Variants in NCKAP5 observed in about 807,000 individuals in gnomAD.
NCKAP5 encodes NCK associated protein 5, also known as nck-associated protein 5.
Under a neutral mutation model 167.0 loss-of-function variants are expected in NCKAP5, and 92 were observed. That is an observed-to-expected ratio of 0.55 (90% CI 0.47 to 0.66). The LOEUF (loss-of-function observed/expected upper bound fraction) is 0.66, where lower values mean the gene tolerates loss of function less well. Ranked by LOEUF, NCKAP5 falls within the 30% of genes least tolerant of loss-of-function variation. The probability of loss-of-function intolerance (pLI) is 0.00; values close to 1 mark genes in which losing one functional copy is unlikely to be tolerated. For missense variants in NCKAP5, 2,378 were observed against 2,315.0 expected (o/e 1.03, Z -0.56); for synonymous variants, 891 against 877.4 (o/e 1.02, Z -0.27).
intron 1 of NCKAP5, among the ~76,000 whole-genome samples, chr2:133,563,770 G>A (rs555833669): frequency 5.3e-5 from 8 of 152,218 alleles, no homozygotes; most frequent in South Asian, 4.2e-4. Flanking sequence ...TGACCAAAAC[G>A]TCATTGTGGG....
intron 4 of NCKAP5, among the ~76,000 whole-genome samples, chr2:133,260,988 C>T (rs1245293243): frequency 6.6e-6 from 1 of 151,990 alleles, no homozygotes; most frequent in East Asian, 1.9e-4. Flanking sequence ...AAAAAATAAA[C>T]CAGAAAAATT....
chr2:133,242,014 A>C (rs906671949), intron 4 of NCKAP5, among the ~76,000 whole-genome samples: 1 of 150,644 alleles, frequency 6.6e-6, no homozygotes, highest in African/African-American at 2.4e-5. Context: ...GCTACTCAGA[A>C]GGCTGAGGCA....
Position 132,784,767 on chromosome 2 carries a change from T to C in NCKAP5, c.2044A>G (p.Ser682Gly). The C allele has an allele frequency of 6.2e-7, 1 of 1,611,554 alleles. No individual in the cohort carries two copies. The highest frequency in any genetic ancestry group is 1.1e-5 in the South Asian group (1 of 90,690). Residue 682 changes from serine (S) to glycine (G), a missense_variant, in exon 14 of 20, where the codon AGC (serine) becomes GGC (glycine). Coordinates refer to ENST00000409261, the MANE Select transcript of NCKAP5 (RefSeq NM_207363.3). ...GTGACAACCCCAGTCTGGTGAGAGCTGAATTCAATGGGCTCACCGTCTTCC... is the reference window on the plus strand; with the variant it reads ...GTGACAACCCCAGTCTGGTGAGAGCCGAATTCAATGGGCTCACCGTCTTCC... ...DAEDGEPIEF[S>G]SHQTGVVTVT... is the part of the protein sequence containing the mutation.
At chr2:133,054,220 A>G (rs2079710260) in intron 6 of NCKAP5, among the ~76,000 whole-genome samples, 1 of 152,190 alleles carries the variant, frequency 6.6e-6, no homozygotes, top group Admixed American at 6.5e-5. Flanking sequence ...CCTTCCACAA[A>G]CATTGATGGA....
At chr2:133,639,323 C>T in the NCKAP5 span, among the ~76,000 whole-genome samples, 1 of 152,004 alleles carries the variant, frequency 6.6e-6, no homozygotes, top group Non-Finnish European at 1.5e-5. Flanking sequence ...AGGTATAGGC[C>T]CTTAAAAACT....
At chr2:133,537,374 G>A (rs1233453965) in intron 2 of NCKAP5, among the ~76,000 whole-genome samples, 1 of 152,078 alleles carries the variant, frequency 6.6e-6, no homozygotes, top group Non-Finnish European at 1.5e-5. Context: ...CATTGAGTTT[G>A]TAGATCAATC....
chr2:133,597,289 C>G, the NCKAP5 span, among the ~76,000 whole-genome samples: 3 of 152,190 alleles, frequency 2.0e-5, no homozygotes, highest in African/African-American at 7.2e-5. Context: ...ATCAGAGACT[C>G]TGGGGATGGA....
chr2:133,277,242 G>A (rs1050133504), intron 4 of NCKAP5, among the ~76,000 whole-genome samples: 3 of 152,050 alleles, frequency 2.0e-5, no homozygotes, highest in African/African-American at 7.2e-5. Flanking sequence ...AGTAAAAACT[G>A]TATTTGTAGA....
intron 1 of NCKAP5, among the ~76,000 whole-genome samples, chr2:133,564,603 G>C (rs554512117): frequency 6.6e-6 from 1 of 152,186 alleles, no homozygotes; most frequent in African/African-American, 2.4e-5. Flanking sequence ...ATACCATGGG[G>C]TGTGACTGTT....
intron 6 of NCKAP5, among the ~76,000 whole-genome samples, chr2:133,102,450 CT>C (rs1198382014): frequency 6.6e-6 from 1 of 152,096 alleles, no homozygotes; most frequent in Non-Finnish European, 1.5e-5. Flanking sequence ...CCTGGCCTTT[CT>C]TTCTTTCAAT....
At chr2:132,881,642 C>T (rs1691767119) in intron 8 of NCKAP5, among the ~76,000 whole-genome samples, 1 of 143,168 alleles carries the variant, frequency 7.0e-6, no homozygotes, top group South Asian at 2.2e-4. Flanking sequence ...CTCCCTCATA[C>T]ATATTTGGTG....
At chr2:133,308,207 G>A (rs1419948359) in intron 3 of NCKAP5, among the ~76,000 whole-genome samples, 3 of 147,408 alleles carry the variant, frequency 2.0e-5, no homozygotes, top group Admixed American at 1.4e-4. Context: ...TCCCACCTCA[G>A]CCTCCCGAGT....
intron 15 of NCKAP5, among the ~76,000 whole-genome samples, chr2:132,776,816 T>G (rs1682593465): frequency 6.6e-6 from 1 of 152,150 alleles, no homozygotes; most frequent in Non-Finnish European, 1.5e-5. Context: ...CTTGATCCCA[T>G]AGGAGCTGGA....
intron 19 of NCKAP5, among the ~76,000 whole-genome samples, chr2:132,722,838 C>T (rs75335338): frequency 0.1 from 15,527 of 151,940 alleles, 960 homozygotes; most frequent in East Asian, 0.14. Flanking sequence ...TGTTTTGAGA[C>T]GGCGTCTTGC....
chr2:132,713,504 A>T (rs948198735), intron 19 of NCKAP5, among the ~76,000 whole-genome samples: 2 of 152,172 alleles, frequency 1.3e-5, no homozygotes, highest in Non-Finnish European at 2.9e-5. Flanking sequence ...CCTTCCACAC[A>T]TCTCAAAGAT....
chr2:133,215,046 TAGA>T (rs980963198), intron 4 of NCKAP5, among the ~76,000 whole-genome samples: 8 of 152,154 alleles, frequency 5.3e-5, no homozygotes, highest in Non-Finnish European at 1.0e-4. Context: ...AGGCACAGAC[TAGA>T]AGAAGGGAGA....
chr2:133,490,085 G>A (rs562304309), intron 3 of NCKAP5, among the ~76,000 whole-genome samples: 1 of 152,258 alleles, frequency 6.6e-6, no homozygotes, highest in Admixed American at 6.5e-5. Context: ...AATGGTCAGG[G>A]AACAACCCTT....
chr2:133,376,403 C>T (rs1686146970), intron 3 of NCKAP5, among the ~76,000 whole-genome samples: 1 of 152,200 alleles, frequency 6.6e-6, no homozygotes, highest in South Asian at 2.1e-4. Flanking sequence ...CCTCCTTCTC[C>T]CCCGTTTGCC....
intron 19 of NCKAP5, among the ~76,000 whole-genome samples, chr2:132,702,449 C>A (rs1266132494): frequency 6.6e-6 from 1 of 152,000 alleles, no homozygotes; most frequent in Non-Finnish European, 1.5e-5. Flanking sequence ...ATAAACAGAT[C>A]AACTTAAAGG....
Sources: gnomAD v4.1 joint callset for allele counts (sites outside exome capture counted in the v4.1 genomes callset) on GRCh38, gnomAD v4.1.1 for gene constraint, MANE v1.5 for transcripts, NCBI Gene and HGNC (gene_info 2026-07-23, HGNC 2026-07-21) for gene names.